Variants in INPP5D observed in about 807,000 individuals in gnomAD.
INPP5D encodes the protein phosphatidylinositol 3,4,5-trisphosphate 5-phosphatase 1.
INPP5D carries 33 observed loss-of-function variants against 122.9 expected under a neutral mutation model. That is an observed-to-expected ratio of 0.27 (90% CI 0.20 to 0.36). The LOEUF is 0.36. INPP5D is among the 10% of genes least tolerant of loss of function. INPP5D has a pLI of 1.00. For missense variants in INPP5D, 1,053 were observed against 1,412.7 expected (o/e 0.75, Z 4.08); for synonymous variants, 584 against 576.2 (o/e 1.01, Z -0.19).
rs976532012 is a variant in INPP5D, at chr2:233,189,702, C to G, written c.2359-148C>G. On this transcript the variant is annotated intron_variant, in intron 21 of 26. Coordinates refer to ENST00000445964, the MANE Select transcript of INPP5D (RefSeq NM_001017915.3). This position sits in a 1 kb window ranked among gnomAD's most constrained non-coding sequence, Gnocchi z 5.6. ...GGACAGGGTGTATGTGAAAGCTATA[C>G]CCCACCTGCTCTCTTGGGTATGGAC... 8.3e-7 allele frequency: 1 copy of G among 1,201,344 alleles called. No individual in the cohort carries two copies. Among genetic ancestry groups the G allele is most frequent in the Non-Finnish European group, 1.1e-6 (1 of 886,970 alleles). 74.4% of individuals were successfully genotyped at this position (1,201,344 alleles called of 1,614,324 possible). A position where few individuals can be genotyped will look rare whatever the true frequency, so the allele number is the denominator to read the frequency against.
chr2:233,126,035 G>A (rs114915681), intron 4 of INPP5D, 116 bp downstream of exon 4: 14,033 of 1,021,324 alleles, frequency 0.014, 150 homozygotes, highest in Non-Finnish European at 0.015. Flanking sequence ...AGGGAGATGG[G>A]GAGGTCTCCA....
At chr2:233,134,056 G>A in intron 5 of INPP5D, 1 of 455,878 alleles carries the variant, frequency 2.2e-6, no homozygotes, top group Non-Finnish European at 4.4e-6. Context: ...GATTGGATGT[G>A]GGGTGAAGGG....
At chr2:233,162,635 T>G (rs1396048155) in intron 11 of INPP5D, among the ~76,000 whole-genome samples, 2 of 152,206 alleles carry the variant, frequency 1.3e-5, no homozygotes, top group Non-Finnish European at 2.9e-5. Context: ...TTCTAAAAAC[T>G]ACCAGTTTAT....
chr2:233,137,486 TC>T (rs1447355037), intron 5 of INPP5D, among the ~76,000 whole-genome samples: 19 of 147,480 alleles, frequency 1.3e-4, no homozygotes, highest in Non-Finnish European at 2.1e-4. Context: ...TGGTGGCGTC[TC>T]CCTCTGTTCC....
intron 2 of INPP5D, among the ~76,000 whole-genome samples, chr2:233,083,425 G>A (rs1438467588): frequency 6.6e-6 from 1 of 152,194 alleles, no homozygotes; most frequent in Non-Finnish European, 1.5e-5. Context: ...CTCAAACCCT[G>A]AGAACCTTCT....
chr2:233,184,551 A>G, intron 20 of INPP5D, 30 bp downstream of exon 20: 1 of 1,613,106 alleles, frequency 6.2e-7, no homozygotes, highest in Non-Finnish European at 8.5e-7. Flanking sequence ...CCTTCTGGGC[A>G]GAACTGCCCG....
intron 1 of INPP5D, among the ~76,000 whole-genome samples, chr2:233,065,896 C>T (rs997465430): frequency 5.9e-5 from 9 of 151,312 alleles, no homozygotes; most frequent in Admixed American, 2.0e-4. Flanking sequence ...CCACCTGCCT[C>T]GGCCTCCCAA....
intron 1 of INPP5D, among the ~76,000 whole-genome samples, chr2:233,070,019 A>G (rs1225695920): frequency 6.6e-6 from 1 of 152,168 alleles, no homozygotes; most frequent in African/African-American, 2.4e-5. Context: ...AACACAATAC[A>G]TTGCAAGGTG....
intron 1 of INPP5D, among the ~76,000 whole-genome samples, chr2:233,064,100 C>A (rs1456033114): frequency 2.6e-5 from 4 of 152,274 alleles, no homozygotes; most frequent in Admixed American, 2.6e-4. Context: ...TGATCAAAGG[C>A]CCAATGTCAG....
At chr2:233,085,305 G>A (rs1691801382) in intron 2 of INPP5D, among the ~76,000 whole-genome samples, 1 of 151,828 alleles carries the variant, frequency 6.6e-6, no homozygotes, top group South Asian at 2.1e-4. Context: ...AGGATCGCTT[G>A]AACCTGAGAG....
intron 9 of INPP5D, among the ~76,000 whole-genome samples, chr2:233,152,963 A>T (rs998451923): frequency 1.3e-5 from 2 of 152,186 alleles, no homozygotes; most frequent in African/African-American, 4.8e-5. Context: ...AGGGACACCA[A>T]TTAGGAGGCC....
intron 9 of INPP5D, 70 bp downstream of exon 9, chr2:233,147,664 C>T (rs1394484614): frequency 4.3e-6 from 3 of 689,700 alleles, no homozygotes; most frequent in Non-Finnish European, 8.0e-6. Flanking sequence ...CTCAGCTCAC[C>T]TCTCAGAAGG....
intron 1 of INPP5D, among the ~76,000 whole-genome samples, chr2:233,079,088 C>T (rs1219422635): frequency 6.6e-6 from 1 of 152,108 alleles, no homozygotes; most frequent in African/African-American, 2.4e-5. Flanking sequence ...GGGTCCCCAC[C>T]TAAATGACCC....
At chr2:233,076,064 T>A (rs1021195759) in intron 1 of INPP5D, among the ~76,000 whole-genome samples, 1 of 152,212 alleles carries the variant, frequency 6.6e-6, no homozygotes, top group African/African-American at 2.4e-5. Flanking sequence ...TCTGTGCGCC[T>A]GCCTCTGACT....
intron 25 of INPP5D, among the ~76,000 whole-genome samples, chr2:233,202,243 C>A (rs1237934342): frequency 1.3e-5 from 2 of 152,202 alleles, no homozygotes; most frequent in East Asian, 3.9e-4. Context: ...GTGACCATGC[C>A]AGTTGCACCC....
intron 3 of INPP5D, among the ~76,000 whole-genome samples, chr2:233,123,452 CAAA>C (rs34144613): frequency 4.2e-5 from 5 of 117,760 alleles, no homozygotes; most frequent in African/African-American, 1.3e-4. Flanking sequence ...GACTCCGTCT[CAAA>C]AAAAAAAAAA....
At chr2:233,143,322 A>C (rs1023364392) in intron 6 of INPP5D, among the ~76,000 whole-genome samples, 18 of 152,276 alleles carry the variant, frequency 1.2e-4, no homozygotes, top group Non-Finnish European at 2.5e-4. Flanking sequence ...CTCCCCTCCC[A>C]AAAGTCACAA....
intron 2 of INPP5D, among the ~76,000 whole-genome samples, chr2:233,114,200 A>G (rs901012525): frequency 8.6e-5 from 13 of 151,970 alleles, no homozygotes; most frequent in East Asian, 3.9e-4. Flanking sequence ...GAGCCACCGC[A>G]CCCAGCCAGC....
In INPP5D at chr2:233,193,845, C is replaced by G. The variant is rs777860142; in HGVS notation, c.2480C>G (p.Thr827Arg). ...EGCIALRLEATETQLPIYTPL... is the reference protein window; with the variant it reads ...EGCIALRLEARETQLPIYTPL... The stretch of plus-strand genomic sequence containing the variant: ...TGCATTGCCCTTCGGTTAGAGGCCA[C>G]AGAAACGCAGCTGCCCATCTACACG... The change falls in exon 23 of 27, where the codon ACA (threonine) becomes AGA (arginine). Residue 827 changes from threonine to arginine, a missense_variant. Thr to Arg is a moderately conservative substitution (Grantham distance 71). Coordinates refer to ENST00000445964, the MANE Select transcript of INPP5D (RefSeq NM_001017915.3). The G allele has an allele frequency of 3.1e-6, 5 of 1,613,816 alleles. No homozygotes were observed. In the South Asian group the frequency reaches 5.5e-5, roughly 18 times the overall value.
Sources: allele counts gnomAD v4.1 joint callset (sites outside exome capture counted in the v4.1 genomes callset), GRCh38; gene constraint gnomAD v4.1.1; non-coding constraint Gnocchi (gnomAD v3.1); transcripts MANE v1.5; gene names NCBI Gene and HGNC (gene_info 2026-07-23, HGNC 2026-07-21).